DPP6: variants seen among roughly 807,000 people sequenced by gnomAD.
The protein encoded by DPP6 is A-type potassium channel modulatory protein DPP6.
Under a neutral mutation model 122.6 loss-of-function variants are expected in DPP6, and 69 were observed. The observed-to-expected ratio is 0.56, with a 90% confidence interval of 0.46 to 0.69. The LOEUF is 0.69. Ranked by LOEUF, DPP6 falls within the 30% of genes least tolerant of loss-of-function variation. DPP6 has a pLI of 0.00. For synonymous variants in DPP6, 418 were observed against 433.1 expected, an observed-to-expected ratio of 0.97 and a Z score of 0.43; for missense variants, 928 against 1,116.9, an observed-to-expected ratio of 0.83 and a Z score of 2.41.
rs1399472373 is a variant in DPP6 at position 154,875,211 on chromosome 7, A to C, written c.1884-695A>C. ...AGCCCTGTTTGAGGAAAAAGAAAAC[A>C]GCCCTGTTTGTGGCACTGGTCGAAT... On this transcript the variant is annotated intron_variant, in intron 19 of 25. Coordinates refer to ENST00000377770, the MANE Select transcript of DPP6 (RefSeq NM_130797.4). This position sits in a 1 kb window ranked among gnomAD's most constrained non-coding sequence, Gnocchi z 4.5. 6.6e-6 allele frequency among the ~76,000 whole-genome samples: 1 copy of C among 152,190 alleles called. No homozygotes were observed. The highest frequency in any genetic ancestry group is 1.5e-5 in the Non-Finnish European group (1 of 68,040).
At chr7:154,299,762 T>G (rs1407458069) in intron 1 of DPP6, among the ~76,000 whole-genome samples, 2 of 152,336 alleles carry the variant, frequency 1.3e-5, no homozygotes, top group East Asian at 3.9e-4. Flanking sequence ...GGCTTTCGTC[T>G]GCACATAGTA....
At chr7:154,274,966 T>G (rs1804031783) in intron 1 of DPP6, among the ~76,000 whole-genome samples, 1 of 152,272 alleles carries the variant, frequency 6.6e-6, no homozygotes, top group Non-Finnish European at 1.5e-5. Flanking sequence ...GCTGATGGGA[T>G]CCTTGTGCAG....
intron 1 of DPP6, among the ~76,000 whole-genome samples, chr7:154,397,755 A>C (rs1390369962): frequency 6.6e-6 from 1 of 152,120 alleles, no homozygotes; most frequent in Non-Finnish European, 1.5e-5. Flanking sequence ...TTCACTTTTA[A>C]ACACTCCTGA....
At chr7:154,616,951 A>C (rs933289830) in intron 5 of DPP6, among the ~76,000 whole-genome samples, 4 of 152,204 alleles carry the variant, frequency 2.6e-5, no homozygotes, top group African/African-American at 9.6e-5. Context: ...GGAGATCATG[A>C]ACTGTCTTTC....
chr7:154,483,494 G>A lies in DPP6; in HGVS notation c.457+8457G>A, dbSNP rs1289846550. Reference sequence around the variant, plus strand: ...GTTCTACCAAGGGAACAAGGGAGAAGGCTTTTACAGAACAAAGACAGAAGC... The same window carrying A: ...GTTCTACCAAGGGAACAAGGGAGAAAGCTTTTACAGAACAAAGACAGAAGC... On this transcript the variant is annotated intron_variant, in intron 3 of 25. Transcript: ENST00000377770. This position sits in a 1 kb window ranked among gnomAD's most constrained non-coding sequence, Gnocchi z 8.1. Among the ~76,000 whole-genome samples the A allele has an allele frequency of 6.6e-6, 1 of 152,076 alleles. No homozygotes were observed. Among genetic ancestry groups the A allele is most frequent in the Non-Finnish European group, 1.5e-5 (1 of 68,022 alleles).
the DPP6 span, among the ~76,000 whole-genome samples, chr7:153,851,212 T>A: frequency 6.6e-6 from 1 of 152,210 alleles, no homozygotes; most frequent in Non-Finnish European, 1.5e-5. Context: ...GTATTTGGAA[T>A]TCTAAGCTGA....
At chr7:153,948,249 A>C (rs1299661157) in intron 1 of DPP6, among the ~76,000 whole-genome samples, 1 of 152,220 alleles carries the variant, frequency 6.6e-6, no homozygotes, top group African/African-American at 2.4e-5. Context: ...TTCTGTCACC[A>C]GCAGGTGGCA....
At chr7:154,206,343 C>T (rs1799445481) in intron 1 of DPP6, among the ~76,000 whole-genome samples, 1 of 152,248 alleles carries the variant, frequency 6.6e-6, no homozygotes, top group Non-Finnish European at 1.5e-5. Context: ...TAAGCCTGTG[C>T]ACCACCCATT....
intron 1 of DPP6, among the ~76,000 whole-genome samples, chr7:153,928,798 T>C (rs1016632966): frequency 3.3e-5 from 5 of 152,164 alleles, no homozygotes; most frequent in African/African-American, 1.2e-4. Context: ...TGTATTTTTT[T>C]CCTAGGCCTT....
chr7:154,642,878 G>C (rs902613818), intron 6 of DPP6, among the ~76,000 whole-genome samples: 3 of 152,124 alleles, frequency 2.0e-5, no homozygotes, highest in Non-Finnish European at 2.9e-5. Context: ...CTCCAGCCTG[G>C]GTGGGAGAGC....
chr7:154,713,365 C>G lies in DPP6; in HGVS notation c.763-14402C>G, dbSNP rs543267337. On this transcript the variant is annotated intron_variant, in intron 7 of 25. Transcript: ENST00000377770. ...CTCACAGTTCCACTATGCAGTGCCC[C>G]ACTGGGGACTCTGTGTGGGGGCTCT... Among the ~76,000 whole-genome samples, 125 of 152,354 alleles carry G rather than the reference C, an allele frequency of 8.2e-4. 1 individual carries two copies. The highest frequency in any genetic ancestry group is 3.4e-3 in the Middle Eastern group (1 of 294).
chr7:154,222,023 A>G (rs77420053), intron 1 of DPP6, among the ~76,000 whole-genome samples: 10,412 of 152,132 alleles, frequency 0.068, 710 homozygotes, highest in African/African-American at 0.17. Flanking sequence ...TCTTTTCGGG[A>G]GAACCTCTGT....
At chr7:153,846,372 T>C in the DPP6 span, among the ~76,000 whole-genome samples, 1 of 152,226 alleles carries the variant, frequency 6.6e-6, no homozygotes, top group African/African-American at 2.4e-5. Flanking sequence ...TACAAGTCCT[T>C]TGTCAGATAT....
intron 1 of DPP6, among the ~76,000 whole-genome samples, chr7:154,317,917 A>G (rs1340937927): frequency 1.3e-5 from 2 of 152,186 alleles, no homozygotes; most frequent in Non-Finnish European, 2.9e-5. Flanking sequence ...TGGCTTGTAT[A>G]TTTTGCGAAC....
chr7:154,284,995 A>G (rs988637372), intron 1 of DPP6, among the ~76,000 whole-genome samples: 1 of 152,230 alleles, frequency 6.6e-6, no homozygotes, highest in Non-Finnish European at 1.5e-5. Context: ...AGAGGTTACC[A>G]GAGGCCAGAG....
chr7:154,320,762 A>G (rs1172301765), intron 1 of DPP6, among the ~76,000 whole-genome samples: 2 of 152,172 alleles, frequency 1.3e-5, no homozygotes, highest in South Asian at 4.1e-4. Context: ...CTGGGATTAC[A>G]GGCGTGAGCC....
At chr7:154,331,896 A>G (rs1403087160) in intron 1 of DPP6, among the ~76,000 whole-genome samples, 1 of 152,176 alleles carries the variant, frequency 6.6e-6, no homozygotes, top group East Asian at 1.9e-4. Flanking sequence ...TATGGTGCAC[A>G]TAGCTAAATA....
the DPP6 span, among the ~76,000 whole-genome samples, chr7:153,810,826 T>C: frequency 6.6e-6 from 1 of 152,026 alleles, no homozygotes; most frequent in Non-Finnish European, 1.5e-5. Context: ...AGTTTAAACA[T>C]TAATTTAGTG....
At chr7:154,756,912 A>C (rs182614410) in intron 8 of DPP6, among the ~76,000 whole-genome samples, 240 of 139,280 alleles carry the variant, frequency 1.7e-3, no homozygotes, top group African/African-American at 5.6e-3. Flanking sequence ...CACCCGTCAC[A>C]TCCCCTGAAG....
Sources: allele counts gnomAD v4.1 joint callset (sites outside exome capture counted in the v4.1 genomes callset), GRCh38; gene constraint gnomAD v4.1.1; non-coding constraint Gnocchi (gnomAD v3.1); transcripts MANE v1.5; gene names NCBI Gene and HGNC (gene_info 2026-07-23, HGNC 2026-07-21).